The following DNASE1 variants were observed in gnomAD, a reference collection of about 807,000 sequenced individuals.
DNASE1 encodes deoxyribonuclease-1.
Under a neutral mutation model 33.9 loss-of-function variants are expected in DNASE1, and 40 were observed. The ratio of observed to expected loss-of-function variants is 1.18; its 90% confidence interval spans 0.92 to 1.54. The LOEUF is 1.54. Among genes scored for constraint, DNASE1 ranks in the 40% most tolerant of loss-of-function variants. The pLI, the probability that DNASE1 is intolerant of heterozygous loss-of-function variation, is 0.00. For missense variants in DNASE1, 518 were observed against 372.6 expected, an observed-to-expected ratio of 1.39 and a Z score of -3.21; for synonymous variants, 216 against 160.0, an observed-to-expected ratio of 1.35 and a Z score of -2.64.
chr16:3,662,717 G>A (rs183621956), downstream of DNASE1: 22 of 718,606 alleles, frequency 3.1e-5, no homozygotes, highest in African/African-American at 1.6e-4. Flanking sequence ...CGGCACTCCC[G>A]AGCAACACGT....
At chr16:3,634,282 G>A (rs2041800206) in intron 1 of DNASE1, among the ~76,000 whole-genome samples, 1 of 151,944 alleles carries the variant, frequency 6.6e-6, no homozygotes, top group South Asian at 2.1e-4. Flanking sequence ...AGGCTGGAGT[G>A]CAGTGGCGCA....
downstream of DNASE1, chr16:3,661,868 C>T: frequency 7.6e-7 from 1 of 1,310,210 alleles, no homozygotes; most frequent in Non-Finnish European, 1.0e-6. Flanking sequence ...CTTATAGTTA[C>T]CCACATGTCC....
At chr16:3,627,401 G>A (rs1234941891) in intron 1 of DNASE1, among the ~76,000 whole-genome samples, 5 of 151,728 alleles carry the variant, frequency 3.3e-5, no homozygotes, top group South Asian at 2.1e-4. Flanking sequence ...AGCCTCCCGA[G>A]TATGGGACTA....
chr16:3,619,849 C>A (rs1251659603), intron 1 of DNASE1, among the ~76,000 whole-genome samples: 1 of 151,306 alleles, frequency 6.6e-6, no homozygotes. Context: ...ATTTACAGCT[C>A]TACTAAATAT....
Position 3,654,697 on chromosome 16 carries a change from T to G in DNASE1, c.-349T>G. The stretch of plus-strand genomic sequence containing the variant: ...GCAAACGTGATTATCAGGTGCAGTT[T>G]TTACAGCAGCAAGAAACCTGTGCTT... On this transcript the variant is annotated 5_prime_UTR_variant, in exon 1 of 9. Transcript: ENST00000246949. The G allele has an allele frequency of 2.5e-6, 1 of 399,506 alleles. No individual in the cohort carries two copies. The highest frequency in any genetic ancestry group is 4.4e-6 in the Non-Finnish European group (1 of 226,836). The allele number at this position is 399,506 out of a possible 1,614,324, so 24.7% of individuals were successfully genotyped here.
upstream of DNASE1, among the ~76,000 whole-genome samples, chr16:3,649,728 G>C (rs2042276114): frequency 6.6e-6 from 1 of 152,206 alleles, no homozygotes; most frequent in Non-Finnish European, 1.5e-5. Flanking sequence ...GAGACAGGTT[G>C]TGTTTTTATC....
chr16:3,653,826 A>AAAAAAAAACAAAAAAAAAAC (rs2042428250), upstream of DNASE1: 1 of 144,908 alleles, frequency 6.9e-6, no homozygotes, highest in African/African-American at 2.6e-5. Context: ...AAAAAAAAAA[A>AAAAAAAAACAAAAAAAAAAC]AAAAAAAAAA....
At chr16:3,651,679 G>A (rs2042340257), upstream of DNASE1, 1 of 152,318 alleles carries the variant, frequency 6.6e-6, no homozygotes. Flanking sequence ...CACACTGTGG[G>A]AAGAGGGTGC....
chr16:3,634,039 T>C (rs1183206992), intron 1 of DNASE1, among the ~76,000 whole-genome samples: 1 of 151,866 alleles, frequency 6.6e-6, no homozygotes, highest in African/African-American at 2.4e-5. Flanking sequence ...CTCGATCTCC[T>C]GACCTCGTGA....
chr16:3,655,779 C>T (rs1006683254), intron 2 of DNASE1, 70 bp from the exon 3 acceptor site: 5 of 1,577,296 alleles, frequency 3.2e-6, no homozygotes, highest in East Asian at 2.2e-5. Flanking sequence ...AGCTGTGGCT[C>T]CCTTTGTGGC....
In DNASE1 at chr16:3,656,110, C is replaced by T. The variant is rs1190259177; in HGVS notation, c.245C>T (p.Pro82Leu). Residue 82 changes from proline to leucine, a missense_variant, in exon 4 of 9, where the codon CCA (proline) becomes CTA (leucine). Physicochemically the swap from Pro to Leu is moderately conservative, Grantham distance 98. Coordinates refer to ENST00000246949, the MANE Select transcript of DNASE1 (RefSeq NM_005223.4). ...TTGTTTCTTCAATCCAGGGATGCAC[C>T]AGACACCTATCACTACGTGGTCAGT... The part of the protein sequence containing the change: ...KLLDNLNQDA[P>L]DTYHYVVSEP... The T allele has an allele frequency of 6.2e-7, 1 of 1,614,108 alleles. No individual in the cohort carries two copies. Among genetic ancestry groups the T allele is most frequent in the Middle Eastern group, 1.6e-4 (1 of 6,062 alleles).
intron 1 of DNASE1, among the ~76,000 whole-genome samples, chr16:3,622,159 G>T (rs1262778048): frequency 6.7e-6 from 1 of 148,764 alleles, no homozygotes; most frequent in Non-Finnish European, 1.5e-5. Flanking sequence ...GGTGGAGGTT[G>T]CAGTGAGCCA....
chr16:3,653,826 A>AAAAAACAAAAAAAAAAAC (rs2042427810), upstream of DNASE1: 5 of 144,908 alleles, frequency 3.5e-5, no homozygotes, highest in African/African-American at 1.3e-4. Flanking sequence ...AAAAAAAAAA[A>AAAAAACAAAAAAAAAAAC]AAAAAAAAAA....
downstream of DNASE1, chr16:3,658,814 C>T (rs759879283): frequency 1.9e-6 from 3 of 1,613,874 alleles, no homozygotes; most frequent in East Asian, 2.2e-5. Context: ...GCAGCTGAGC[C>T]AGGCCAGGCT....
chr16:3,657,928 A>G lies in DNASE1; in HGVS notation c.824A>G (p.Tyr275Cys). ...CAGGCCCAAGCCATCAGTGACCACTATCCAGTGGAGGTGATGCTGAAGTGA... is the reference window on the plus strand; with the variant it reads ...CAGGCCCAAGCCATCAGTGACCACTGTCCAGTGGAGGTGATGCTGAAGTGA... ...DQLAQAISDH[Y>C]PVEVMLK The change falls in exon 9 of 9, where the codon TAT becomes TGT. Residue 275 changes from tyrosine (Y) to cysteine (C), a missense_variant. Coordinates refer to ENST00000246949, the MANE Select transcript of DNASE1 (RefSeq NM_005223.4). 3.7e-6 allele frequency: 6 copies of G among 1,613,194 alleles called. No homozygotes were observed. The highest frequency in any genetic ancestry group is 1.3e-5 in the African/African-American group (1 of 75,040).
At chr16:3,637,631 A>G (rs1300905855) in intron 1 of DNASE1, among the ~76,000 whole-genome samples, 3 of 152,172 alleles carry the variant, frequency 2.0e-5, no homozygotes. Context: ...GGCTCTTGTA[A>G]AATAGTTTCC....
exon 10 of DNASE1, chr16:3,663,420 C>T (rs948130307): frequency 1.2e-5 from 19 of 1,613,896 alleles, no homozygotes; most frequent in East Asian, 8.9e-5. Context: ...CAGGGGATGC[C>T]GACCTGGGGA....
At chr16:3,635,410 A>G (rs1469154700) in intron 1 of DNASE1, among the ~76,000 whole-genome samples, 3 of 148,684 alleles carry the variant, frequency 2.0e-5, no homozygotes, top group Non-Finnish European at 3.0e-5. Context: ...GTGAGCCAAG[A>G]TCGCACCATT....
chr16:3,625,025 G>T (rs1019335763), intron 1 of DNASE1, among the ~76,000 whole-genome samples: 4 of 152,130 alleles, frequency 2.6e-5, no homozygotes, highest in South Asian at 2.1e-4. Context: ...ACTTAATGGG[G>T]GCCGGGGGCA....
Sources: allele counts gnomAD v4.1 joint callset (sites outside exome capture counted in the v4.1 genomes callset), GRCh38; gene constraint gnomAD v4.1.1; transcripts MANE v1.5; gene names NCBI Gene and HGNC (gene_info 2026-07-23, HGNC 2026-07-21).